CTNNA1: variants seen among roughly 807,000 people sequenced by gnomAD.
The protein encoded by CTNNA1 is catenin alpha 1.
Under a neutral mutation model 98.4 loss-of-function variants are expected in CTNNA1, and 37 were observed. The observed-to-expected ratio is 0.38, with a 90% CI of 0.29 to 0.49. The LOEUF (loss-of-function observed/expected upper bound fraction) is 0.49, where lower values mean the gene tolerates loss of function less well. CTNNA1 is among the 20% of genes least tolerant of loss of function. CTNNA1 has a pLI of 0.95. For synonymous variants in CTNNA1, 404 were observed against 413.2 expected (o/e 0.98, Z 0.27); for missense variants, 761 against 1,147.2 (o/e 0.66, Z 4.86).
rs971781638 is a variant in CTNNA1 at position 138,925,465 on chromosome 5, G to C, written c.1899+58G>C. 9.5e-6 allele frequency: 15 copies of C among 1,585,400 alleles called. No individual in the cohort carries two copies. The African/African-American group carries it at 2.0e-4, about 21-fold the overall frequency. On this transcript the variant is annotated intron_variant, in intron 13 of 17. Coordinates refer to ENST00000302763, the MANE Select transcript of CTNNA1 (RefSeq NM_001903.5). ...TTCTTTCTTATCATTTGCTAAACTTGAGCAATGCGTCATTCTAGAACTCGG... is the reference window on the plus strand; with the variant it reads ...TTCTTTCTTATCATTTGCTAAACTTCAGCAATGCGTCATTCTAGAACTCGG...
intron 13 of CTNNA1, among the ~76,000 whole-genome samples, chr5:138,928,867 G>C (rs1203168248): frequency 6.6e-6 from 1 of 152,102 alleles, no homozygotes; most frequent in African/African-American, 2.4e-5. Flanking sequence ...CCCGGGAGGC[G>C]GAGGTTGCAT....
intron 17 of CTNNA1, chr5:138,932,977 C>T (rs1237917654): frequency 1.3e-6 from 1 of 766,800 alleles, no homozygotes; most frequent in East Asian, 2.4e-5. Context: ...TTTTAAAAAT[C>T]TTCCTTGGGA....
intron 10 of CTNNA1, chr5:138,904,670 C>T (rs1254733458): frequency 5.6e-6 from 3 of 534,154 alleles, no homozygotes; most frequent in Non-Finnish European, 9.4e-6. Context: ...TGAAAATGCA[C>T]AGTGGGCTGG....
intron 3 of CTNNA1, among the ~76,000 whole-genome samples, chr5:138,792,523 AG>A (rs1481209111): frequency 6.6e-6 from 1 of 152,248 alleles, no homozygotes; most frequent in African/African-American, 2.4e-5. Context: ...AGACGTAGAC[AG>A]GAGGCAGAAT....
At chr5:138,807,079 C>T (rs1383450283) in intron 3 of CTNNA1, among the ~76,000 whole-genome samples, 10 of 148,792 alleles carry the variant, frequency 6.7e-5, no homozygotes, top group African/African-American at 1.7e-4. Context: ...GGCGCAATCT[C>T]GGCTCACTGT....
At chr5:138,915,614 C>G (rs1423806081) in intron 10 of CTNNA1, among the ~76,000 whole-genome samples, 1 of 152,188 alleles carries the variant, frequency 6.6e-6, no homozygotes, top group African/African-American at 2.4e-5. Context: ...TATGAGCGTT[C>G]ATAGCAACAT....
At chr5:138,930,970 T>C (rs779913145) in intron 16 of CTNNA1, 35 bp downstream of exon 16, 3 of 1,412,318 alleles carry the variant, frequency 2.1e-6, no homozygotes, top group South Asian at 2.3e-5. Flanking sequence ...GTCTCCAAGC[T>C]CCTCCTGGGG....
intron 1 of CTNNA1, among the ~76,000 whole-genome samples, chr5:138,780,189 A>T (rs571022523): frequency 2.9e-4 from 44 of 151,162 alleles, no homozygotes; most frequent in African/African-American, 1.1e-3. Context: ...TTATTTATTT[A>T]TTTTATTTTT....
chr5:138,905,215 G>A (rs968283040), intron 10 of CTNNA1, among the ~76,000 whole-genome samples: 1 of 151,778 alleles, frequency 6.6e-6, no homozygotes. Context: ...GCTTGAGCCT[G>A]GGAGGCAAAG....
chr5:138,776,926 G>A (rs1218806313), intron 1 of CTNNA1, among the ~76,000 whole-genome samples: 2 of 138,314 alleles, frequency 1.4e-5, no homozygotes, highest in African/African-American at 2.8e-5. Flanking sequence ...CCTCCCGGAC[G>A]GGGCGGCTGG....
At chr5:138,897,217 G>A (rs1757005044) in intron 9 of CTNNA1, among the ~76,000 whole-genome samples, 1 of 148,728 alleles carries the variant, frequency 6.7e-6, no homozygotes. Context: ...CTATTCCATG[G>A]ACTACCTTGT....
In CTNNA1 at chr5:138,874,092, G is replaced by A. The variant is rs1459595519; in HGVS notation, c.1063-12120G>A. ...CGTAAATGCAAGGTCTGCAGCTTCC[G>A]AAGGCCATAGAAGAGCTCTGGGTGC... On this transcript the variant is annotated intron_variant, in intron 7 of 17. Coordinates refer to ENST00000302763, the MANE Select transcript of CTNNA1 (RefSeq NM_001903.5). This position sits in a 1 kb window ranked among gnomAD's most constrained non-coding sequence, Gnocchi z 4.1. 6 of 1,613,730 alleles carry A rather than the reference G, an allele frequency of 3.7e-6. No individual in the cohort carries two copies. Among genetic ancestry groups the A allele is most frequent in the Non-Finnish European group, 5.1e-6 (6 of 1,179,730 alleles).
chr5:138,838,907 A>T (rs1762036379), intron 7 of CTNNA1, among the ~76,000 whole-genome samples: 1 of 152,166 alleles, frequency 6.6e-6, no homozygotes, highest in African/African-American at 2.4e-5. Flanking sequence ...CTGGGATTAC[A>T]GGCGTGAGCT....
chr5:138,756,847 G>C (rs572645095), intron 1 of CTNNA1, among the ~76,000 whole-genome samples: 38 of 152,084 alleles, frequency 2.5e-4, no homozygotes, highest in Non-Finnish European at 4.6e-4. Context: ...GAAGATGGTG[G>C]AGTACGAGGT....
chr5:138,917,547 A>G (rs1762044892), intron 10 of CTNNA1, among the ~76,000 whole-genome samples, 195 bp from the exon 11 acceptor site: 1 of 152,164 alleles, frequency 6.6e-6, no homozygotes, highest in Non-Finnish European at 1.5e-5. Context: ...TTGTTTTATC[A>G]TTGTCTATAG....
At chr5:138,815,338 C>T (rs1759324187) in intron 5 of CTNNA1, among the ~76,000 whole-genome samples, 1 of 151,834 alleles carries the variant, frequency 6.6e-6, no homozygotes, top group Non-Finnish European at 1.5e-5. Context: ...ATATTGTTTC[C>T]CACCCTTGTT....
chr5:138,829,425 TC>T (rs1761045503), intron 7 of CTNNA1, among the ~76,000 whole-genome samples: 1 of 152,104 alleles, frequency 6.6e-6, no homozygotes, highest in Non-Finnish European at 1.5e-5. Flanking sequence ...GATGAGGAAA[TC>T]ACTTCAAAAA....
At chr5:138,825,482 G>GTTGTTTTTTTTTTT (rs1554085135) in intron 6 of CTNNA1, among the ~76,000 whole-genome samples, 2 of 74,116 alleles carry the variant, frequency 2.7e-5, no homozygotes, top group African/African-American at 5.8e-5. Flanking sequence ...AGCAGTATAA[G>GTTGTTTTTTTTTTT]TTTTTTTTTT....
At chr5:138,769,153 A>G (rs1264325808) in intron 1 of CTNNA1, among the ~76,000 whole-genome samples, 5 of 151,756 alleles carry the variant, frequency 3.3e-5, no homozygotes, top group Admixed American at 3.3e-4. Flanking sequence ...TTGGCCTCCA[A>G]AGTTCTGGGA....
Sources: gnomAD v4.1 joint callset for allele counts (sites outside exome capture counted in the v4.1 genomes callset) on GRCh38, gnomAD v4.1.1 for gene constraint, Gnocchi (gnomAD v3.1) non-coding constraint, MANE v1.5 for transcripts, NCBI Gene and HGNC (gene_info 2026-07-23, HGNC 2026-07-21) for gene names.